Variants in ARFGAP1 observed in about 807,000 individuals in gnomAD.
The protein encoded by ARFGAP1 is ARF GTPase activating protein 1, also known as ADP-ribosylation factor GTPase-activating protein 1.
In ARFGAP1, 26 loss-of-function variants were observed where a neutral mutation model predicts 54.0. The observed-to-expected ratio is 0.48, with a 90% CI of 0.35 to 0.67. The LOEUF is 0.67. Among genes scored for constraint, ARFGAP1 ranks in the 30% least tolerant of loss-of-function variants. The probability of loss-of-function intolerance (pLI) is 0.00; values close to 1 mark genes in which losing one functional copy is unlikely to be tolerated. For synonymous variants in ARFGAP1, 248 were observed against 211.9 expected (o/e 1.17, Z -1.48); for missense variants, 525 against 535.8 (o/e 0.98, Z 0.20).
rs878862514 is a variant in ARFGAP1 at position 63,288,038 on chromosome 20, G to T, written c.*165G>T. 3 of 835,902 alleles carry T rather than the reference G, an allele frequency of 3.6e-6. No individual in the cohort carries two copies. The allele number at this position is 835,902 out of a possible 1,614,324, so 51.8% of individuals were successfully genotyped here. A position where few individuals can be genotyped will look rare whatever the true frequency, so the allele number is the denominator to read the frequency against. On this transcript the variant is annotated 3_prime_UTR_variant, in exon 13 of 13. Coordinates refer to ENST00000370283, the MANE Select transcript of ARFGAP1 (RefSeq NM_018209.4). ...GGAGACCCGGGTGTGCGCCGCCTGC[G>T]CGTGGGGAGTCTTCGGTGCGTGGGG...
In ARFGAP1 at chr20:63,275,566, C is replaced by T. The variant is rs1444602450; in HGVS notation, c.-4-11C>T. 6.2e-7 allele frequency: 1 copy of T among 1,613,462 alleles called. No individual in the cohort carries two copies. The highest frequency in any genetic ancestry group is 8.5e-7 in the Non-Finnish European group (1 of 1,179,742). ...TTGTAAGTTTAAAGTGTTTATTTTTCTCCTTTGCAGCATCATGGCCAGCCC... is the reference window on the plus strand; with the variant it reads ...TTGTAAGTTTAAAGTGTTTATTTTTTTCCTTTGCAGCATCATGGCCAGCCC... On this transcript the variant is annotated splice_polypyrimidine_tract_variant and intron_variant, in intron 1 of 12. Transcript: ENST00000370283.
chr20:63,277,283 A>G lies in ARFGAP1; in HGVS notation c.421A>G (p.Thr141Ala). Reference sequence around the variant, plus strand: ...GAACTGGACCCCACCTCAGCCCAGGACGCTGCCGTCCATGGTGCACCGGTA... The same window carrying G: ...GAACTGGACCCCACCTCAGCCCAGGGCGCTGCCGTCCATGGTGCACCGGTA... The part of the protein sequence containing the change: ...AQNWTPPQPR[T>A]LPSMVHRVSG... The change falls in exon 5 of 13, where the codon ACG becomes GCG. Residue 141 changes from threonine (T) to alanine (A), a missense_variant. By Grantham distance (58) the Thr-to-Ala change is moderately conservative. Coordinates refer to ENST00000370283, the MANE Select transcript of ARFGAP1 (RefSeq NM_018209.4). The G allele has an allele frequency of 6.2e-7, 1 of 1,612,814 alleles. No homozygotes were observed.
chr20:63,286,455 C>T lies in ARFGAP1; in HGVS notation c.911+13C>T. 6.2e-7 allele frequency: 1 copy of T among 1,611,022 alleles called. No homozygotes were observed. The highest frequency in any genetic ancestry group is 8.5e-7 in the Non-Finnish European group (1 of 1,178,554). ...GCCCCTTGGACAGGTATGCTGTGTC[C>T]CCTCCTGGGCCTTGCATCCCACTCC... is the stretch of plus-strand genomic sequence containing the variant. On this transcript the variant is annotated intron_variant, in intron 12 of 12. Transcript: ENST00000370283.
At position 63,287,827 on chromosome 20, in the gene ARFGAP1, C is replaced by A. The variant is rs199789968; in HGVS notation, c.1175C>A (p.Pro392Gln). 6.3e-7 allele frequency: 1 copy of A among 1,578,402 alleles called. No individual in the cohort carries two copies. The highest frequency in any genetic ancestry group is 1.3e-5 in the African/African-American group (1 of 74,518). The change falls in exon 13 of 13, where the codon CCG becomes CAG. Residue 392 changes from proline (P) to glutamine (Q), a missense_variant. Around this residue, in one of 3 missense-constraint regions of ARFGAP1, gnomAD observed 466 missense variants for 453.6 expected, o/e 1.03. Transcript: ENST00000370283. ...EGGEGTKKAV[P>Q]PAVPTDDGWD... Reference sequence around the variant, plus strand: ...GGGGAGGGCACCAAGAAGGCAGTGCCGCCGGCCGTGCCCACTGATGATGGC... The same window carrying A: ...GGGGAGGGCACCAAGAAGGCAGTGCAGCCGGCCGTGCCCACTGATGATGGC...
chr20:63,275,494 T>C, intron 1 of ARFGAP1, 83 bp from the exon 2 acceptor site: 1 of 1,323,004 alleles, frequency 7.6e-7, no homozygotes, highest in Non-Finnish European at 1.1e-6. Flanking sequence ...TTCTGTTGTG[T>C]GGTGTTTTTG....
At chr20:63,282,129 G>C (rs1196039539) in intron 8 of ARFGAP1, among the ~76,000 whole-genome samples, 1 of 152,176 alleles carries the variant, frequency 6.6e-6, no homozygotes, top group African/African-American at 2.4e-5. Context: ...ATGCCCCTGT[G>C]GTCACTCTGG....
intron 7 of ARFGAP1, among the ~76,000 whole-genome samples, chr20:63,280,460 A>G (rs1434590564): frequency 1.3e-5 from 2 of 152,276 alleles, no homozygotes; most frequent in East Asian, 3.9e-4. Flanking sequence ...GCCTGGCCAG[A>G]AAGGGCTTTT....
intron 10 of ARFGAP1, 120 bp downstream of exon 10, chr20:63,285,042 C>A: frequency 1.7e-6 from 2 of 1,179,944 alleles, no homozygotes; most frequent in Non-Finnish European, 2.4e-6. Flanking sequence ...CCAAGCCTCA[C>A]ACCCCACCTC....
chr20:63,285,217 C>T (rs964412549), intron 10 of ARFGAP1, among the ~76,000 whole-genome samples: 1 of 152,034 alleles, frequency 6.6e-6, no homozygotes, highest in Admixed American at 6.5e-5. Context: ...CCAGCACCCC[C>T]AGCCCACCTC....
Position 63,278,884 on chromosome 20 carries a change from C to G in ARFGAP1, c.531-15C>G, listed in dbSNP as rs1218827433. The G allele has an allele frequency of 6.2e-7, 1 of 1,613,854 alleles. No individual in the cohort carries two copies. Among genetic ancestry groups the G allele is most frequent in the Non-Finnish European group, 8.5e-7 (1 of 1,179,752 alleles). On this transcript the variant is annotated splice_polypyrimidine_tract_variant and intron_variant, in intron 6 of 12. Transcript: ENST00000370283. ...CATGCCAGCATCTTCGGCCTCTTGT[C>G]CGCTTTGTTTTCAGGGCCCAGGGGA... is the stretch of plus-strand genomic sequence containing the variant.
chr20:63,277,956 C>T (rs1224145237), intron 5 of ARFGAP1, among the ~76,000 whole-genome samples, 161 bp from the exon 6 acceptor site: 2 of 152,218 alleles, frequency 1.3e-5, no homozygotes, highest in Admixed American at 1.3e-4. Flanking sequence ...CACCTGAGCC[C>T]GAGCAGCCAC....
intron 11 of ARFGAP1, 192 bp from the exon 12 acceptor site, chr20:63,286,174 G>A (rs560495398): frequency 1.2e-5 from 19 of 1,549,982 alleles, no homozygotes; most frequent in East Asian, 2.4e-5. Context: ...GCCATGTCCC[G>A]CACACACCTG....
Position 63,284,274 on chromosome 20 carries a change from G to T in ARFGAP1, c.718-592G>T, listed in dbSNP as rs1015732643. The T allele has an allele frequency of 1.2e-5, 13 of 1,117,576 alleles. No individual in the cohort carries two copies. In the African/African-American group the frequency reaches 1.8e-4, roughly 15 times the overall value. The allele number at this position is 1,117,576 out of a possible 1,614,324, so 69.2% of individuals were successfully genotyped here. On this transcript the variant is annotated intron_variant, in intron 9 of 12. Transcript: ENST00000370283. Reference sequence around the variant, plus strand: ...ACGCAGTGCAAAGGGGAGGATCTTTGCTCTGTGACGAGTTCTTCCCTTTCC... The same window carrying T: ...ACGCAGTGCAAAGGGGAGGATCTTTTCTCTGTGACGAGTTCTTCCCTTTCC...
chr20:63,284,341 A>C (rs1250441702), intron 9 of ARFGAP1: 5 of 1,064,612 alleles, frequency 4.7e-6, no homozygotes, highest in Non-Finnish European at 4.6e-6. Flanking sequence ...GGGGAAGAGG[A>C]GGCCTCACAC....
chr20:63,286,455 C>G lies in ARFGAP1; in HGVS notation c.911+13C>G, dbSNP rs1208069759. 1.9e-6 allele frequency: 3 copies of G among 1,611,022 alleles called. No homozygotes were observed. Among genetic ancestry groups the G allele is most frequent in the South Asian group, 1.1e-5 (1 of 90,790 alleles). On this transcript the variant is annotated intron_variant, in intron 12 of 12. Coordinates refer to ENST00000370283, the MANE Select transcript of ARFGAP1 (RefSeq NM_018209.4). The stretch of plus-strand genomic sequence containing the variant: ...GCCCCTTGGACAGGTATGCTGTGTC[C>G]CCTCCTGGGCCTTGCATCCCACTCC...
intron 11 of ARFGAP1, 195 bp downstream of exon 11, chr20:63,285,908 G>T (rs988277006): frequency 2.7e-6 from 4 of 1,455,640 alleles, no homozygotes; most frequent in Non-Finnish European, 3.7e-6. Context: ...ACTGCGGCCC[G>T]GTCAGCCACT....
intron 1 of ARFGAP1, 51 bp downstream of exon 1, chr20:63,272,971 C>G (rs1046661221): frequency 2.0e-5 from 3 of 152,068 alleles, no homozygotes; most frequent in African/African-American, 7.2e-5. Context: ...CCGGCTGCCG[C>G]GGCGTCGTCC....
chr20:63,280,480 G>A (rs10211726), intron 7 of ARFGAP1, among the ~76,000 whole-genome samples: 9,741 of 152,280 alleles, frequency 0.064, 356 homozygotes, highest in Middle Eastern at 0.11. Flanking sequence ...TTAATAACTA[G>A]CATGACAAGA....
rs994797213 is a variant in ARFGAP1 at position 63,287,991 on chromosome 20, G to A, written c.*118G>A. ...TCAGCAACTGCAGTGTGAGGACAGC[G>A]TCTCGGGAGGCAGGACCCTAGGGAG... On this transcript the variant is annotated 3_prime_UTR_variant, in exon 13 of 13. Coordinates refer to ENST00000370283, the MANE Select transcript of ARFGAP1 (RefSeq NM_018209.4). 82 of 1,219,526 alleles carry A rather than the reference G, an allele frequency of 6.7e-5. No individual in the cohort carries two copies. The highest frequency in any genetic ancestry group is 8.4e-5 in the Admixed American group (3 of 35,758). 75.5% of individuals were successfully genotyped at this position (1,219,526 alleles called of 1,614,324 possible).
Sources: gnomAD v4.1 joint callset for allele counts (sites outside exome capture counted in the v4.1 genomes callset) on GRCh38, gnomAD v4.1.1 for gene constraint, gnomAD v4.1.1 regional missense constraint, MANE v1.5 for transcripts, NCBI Gene and HGNC (gene_info 2026-07-23, HGNC 2026-07-21) for gene names.